Variants in SAMD5 observed in about 807,000 individuals in gnomAD.
The protein encoded by SAMD5 is sterile alpha motif domain containing 5.
SAMD5 carries 13 observed loss-of-function variants against 11.3 expected under a neutral mutation model. That is an observed-to-expected ratio of 1.15 (90% confidence interval 0.75 to 1.83). SAMD5 has a LOEUF of 1.83. Ranked by LOEUF, SAMD5 falls within the 40% of genes most tolerant of loss-of-function variation. The pLI, the probability that SAMD5 is intolerant of heterozygous loss-of-function variation, is 0.00. For synonymous variants in SAMD5, 129 were observed against 111.3 expected (o/e 1.16, Z -1.00); for missense variants, 255 against 239.1 (o/e 1.07, Z -0.44).
At chr6:147,581,447 C>T (rs149123180) in intron 1 of SAMD5, among the ~76,000 whole-genome samples, 3 of 152,104 alleles carry the variant, frequency 2.0e-5, no homozygotes, top group Non-Finnish European at 4.4e-5. Context: ...CCAGGGACAG[C>T]GGGAAGAGTG....
Position 147,569,236 on chromosome 6 carries a change from G to GA in SAMD5, c.*4784dup, listed in dbSNP as rs796327696. On this transcript the variant is annotated 3_prime_UTR_variant, in exon 2 of 2. Transcript: ENST00000367474. Reference sequence around the variant, plus strand: ...ACTCTGTCTAAAAAAAAAAAAAAAAGAAAAGAAAAAAGAAAAATTGAAGAA... The same window carrying GA: ...ACTCTGTCTAAAAAAAAAAAAAAAAGAAAAAGAAAAAAGAAAAATTGAAGAA... 2.9e-5 allele frequency: 7 copies of GA among 245,250 alleles called. No homozygotes were observed. The highest frequency in any genetic ancestry group is 1.2e-4 in the African/African-American group (3 of 25,204). 15.2% of individuals were successfully genotyped at this position (245,250 alleles called of 1,614,324 possible).
the SAMD5 span, among the ~76,000 whole-genome samples, chr6:147,867,270 G>A: frequency 1.5e-5 from 2 of 133,888 alleles, no homozygotes; most frequent in African/African-American, 2.8e-5. Flanking sequence ...AGCATACTTG[G>A]TCAAAAAGGT....
At chr6:147,730,102 AAAAG>A (rs953481407) in intron 1 of SAMD5, 1 of 437,610 alleles carries the variant, frequency 2.3e-6, no homozygotes, top group African/African-American at 2.1e-5. Flanking sequence ...AGAAAAGAAA[AAAAG>A]AAAAGGAAAT....
intron 1 of SAMD5, among the ~76,000 whole-genome samples, chr6:147,550,991 T>C (rs76976186): frequency 0.017 from 2,533 of 152,320 alleles, 51 homozygotes; most frequent in South Asian, 0.065. Flanking sequence ...TCCATGTTTT[T>C]TGACATTCAG....
At chr6:147,616,173 ATTTAT>A (rs1789866493) in intron 1 of SAMD5, among the ~76,000 whole-genome samples, 2 of 101,856 alleles carry the variant, frequency 2.0e-5, no homozygotes, top group African/African-American at 1.0e-4. Context: ...TTTCATATAT[ATTTAT>A]TCATATATAT....
At position 147,667,125 on chromosome 6, in the gene SAMD5, G is replaced by GT. The variant is rs1419090347; in HGVS notation, c.163-70190dup. Among the ~76,000 whole-genome samples the GT allele has an allele frequency of 2.6e-5, 4 of 152,210 alleles. No homozygotes were observed. In the East Asian group the frequency reaches 7.7e-4, roughly 29 times the overall value. On this transcript the variant is annotated intron_variant, in intron 1 of 1. Transcript: ENST00000566741. ...TTGAATTCAGCCTGGTATGAAAGTG[G>GT]TTGCTTACATATCCGGGTCCTCACT...
the SAMD5 span, among the ~76,000 whole-genome samples, chr6:147,930,537 C>G: frequency 0.1 from 15,731 of 151,980 alleles, 881 homozygotes; most frequent in Non-Finnish European, 0.12. Flanking sequence ...TGAAAAAGTA[C>G]CAGGATAGTC....
the SAMD5 span, among the ~76,000 whole-genome samples, chr6:147,765,347 C>G: frequency 6.6e-6 from 1 of 152,122 alleles, no homozygotes; most frequent in East Asian, 1.9e-4. Flanking sequence ...AATTCTTCAT[C>G]ATAAATACCT....
the SAMD5 span, among the ~76,000 whole-genome samples, chr6:147,924,667 A>G: frequency 1.3e-5 from 2 of 151,858 alleles, no homozygotes; most frequent in African/African-American, 4.8e-5. Flanking sequence ...CAAAACTAAT[A>G]TATAAATAAA....
At chr6:147,539,617 C>A (rs1252987004) in intron 1 of SAMD5, among the ~76,000 whole-genome samples, 1 of 151,024 alleles carries the variant, frequency 6.6e-6, no homozygotes, top group African/African-American at 2.4e-5. Context: ...ATGGGGCCTG[C>A]GGTGCCTTCT....
chr6:147,663,756 T>G (rs1375132311), intron 1 of SAMD5, among the ~76,000 whole-genome samples: 2 of 135,858 alleles, frequency 1.5e-5, no homozygotes. Flanking sequence ...CCTGTCACTT[T>G]ACTTCAGCCT....
At chr6:147,860,699 T>C in the SAMD5 span, among the ~76,000 whole-genome samples, 2 of 152,318 alleles carry the variant, frequency 1.3e-5, no homozygotes, top group South Asian at 4.1e-4. Context: ...AAGCTTGACC[T>C]AATACCTGCT....
chr6:147,951,514 C>T, the SAMD5 span, among the ~76,000 whole-genome samples: 1 of 152,268 alleles, frequency 6.6e-6, no homozygotes, highest in Admixed American at 6.5e-5. Flanking sequence ...GTGCATTGGG[C>T]TCACAAATGA....
chr6:147,863,330 G>T, the SAMD5 span, among the ~76,000 whole-genome samples: 2 of 152,180 alleles, frequency 1.3e-5, no homozygotes, highest in Admixed American at 1.3e-4. Context: ...ACTGGCAGGG[G>T]AGACTGGGCT....
At chr6:147,718,733 A>G (rs1207155488) in intron 1 of SAMD5, among the ~76,000 whole-genome samples, 1 of 151,672 alleles carries the variant, frequency 6.6e-6, no homozygotes, top group Non-Finnish European at 1.5e-5. Context: ...CTCTGTTGCC[A>G]AGGCTAAAGT....
the SAMD5 span, among the ~76,000 whole-genome samples, chr6:147,795,128 A>G: frequency 1.3e-5 from 2 of 149,582 alleles, no homozygotes; most frequent in Non-Finnish European, 3.0e-5. Flanking sequence ...GGTTAGTTAC[A>G]TACGTATACA....
At chr6:147,863,028 A>G in the SAMD5 span, among the ~76,000 whole-genome samples, 1 of 152,170 alleles carries the variant, frequency 6.6e-6, no homozygotes, top group African/African-American at 2.4e-5. Flanking sequence ...GGAGGAGGGA[A>G]TGAGAGGTCA....
intron 1 of SAMD5, among the ~76,000 whole-genome samples, chr6:147,695,423 G>A (rs1377183613): frequency 6.6e-6 from 1 of 152,118 alleles, no homozygotes; most frequent in Non-Finnish European, 1.5e-5. Context: ...TAATTTAGGT[G>A]ATACCATAGC....
At chr6:147,887,561 A>G in the SAMD5 span, among the ~76,000 whole-genome samples, 1 of 152,120 alleles carries the variant, frequency 6.6e-6, no homozygotes, top group Non-Finnish European at 1.5e-5. Flanking sequence ...GCTACATCAC[A>G]GTTTGTCTTT....
Sources: gnomAD v4.1 joint callset for allele counts (sites outside exome capture counted in the v4.1 genomes callset) on GRCh38, gnomAD v4.1.1 for gene constraint, MANE v1.5 for transcripts, NCBI Gene and HGNC (gene_info 2026-07-23, HGNC 2026-07-21) for gene names.